The following RALB variants were observed in gnomAD, a reference collection of about 807,000 sequenced individuals.
RALB encodes the protein ras-related protein Ral-B.
RALB carries 16 observed loss-of-function variants against 21.3 expected under a neutral mutation model. The ratio of observed to expected loss-of-function variants is 0.75; its 90% CI spans 0.51 to 1.14. The LOEUF (loss-of-function observed/expected upper bound fraction) is 1.14, where lower values mean the gene tolerates loss of function less well. Ranked by LOEUF, RALB falls within the 50% of genes most tolerant of loss-of-function variation. RALB has a pLI of 0.00. For synonymous variants in RALB, 93 were observed against 96.1 expected (o/e 0.97, Z 0.19); for missense variants, 161 against 256.2 (o/e 0.63, Z 2.54).
At position 120,294,288 on chromosome 2, in the gene RALB, A is replaced by G; in HGVS notation, c.*1028A>G. On this transcript the variant is annotated 3_prime_UTR_variant, in exon 5 of 5. Transcript: ENST00000272519. ...GCTACCTCTCATAGAATTGCTCTGT[A>G]ATTCTAAATTTAAAATTAGAAGTAG... The G allele has an allele frequency of 2.5e-6, 1 of 398,742 alleles. No homozygotes were observed. 24.7% of individuals were successfully genotyped at this position (398,742 alleles called of 1,614,324 possible). A position where few individuals can be genotyped will look rare whatever the true frequency, so the allele number is the denominator to read the frequency against.
chr2:120,291,942 G>A (rs1297235403), intron 4 of RALB, among the ~76,000 whole-genome samples: 1 of 152,108 alleles, frequency 6.6e-6, no homozygotes, highest in African/African-American at 2.4e-5. Flanking sequence ...GGAGCTTGTG[G>A]TTTTGTGTGA....
chr2:120,267,914 C>T (rs1456065706), intron 1 of RALB, among the ~76,000 whole-genome samples: 1 of 152,106 alleles, frequency 6.6e-6, no homozygotes, highest in East Asian at 1.9e-4. Context: ...GCCTCAGCCT[C>T]CCAAGTAGCT....
chr2:120,240,281 A>AT (rs1558941415), intron 1 of RALB, among the ~76,000 whole-genome samples: 2 of 142,748 alleles, frequency 1.4e-5, no homozygotes, highest in Admixed American at 6.7e-5. Flanking sequence ...CTACTTTTTT[A>AT]TTTTTATTTT....
At chr2:120,259,848 G>A (rs1389401011) in intron 1 of RALB, among the ~76,000 whole-genome samples, 1 of 152,254 alleles carries the variant, frequency 6.6e-6, no homozygotes, top group Non-Finnish European at 1.5e-5. Flanking sequence ...CCCATGGAGT[G>A]GGTGGGAGGC....
chr2:120,279,864 C>T (rs1304628163), intron 2 of RALB, among the ~76,000 whole-genome samples: 20 of 152,194 alleles, frequency 1.3e-4, no homozygotes, highest in Admixed American at 1.3e-3. Flanking sequence ...TCCTCTTATG[C>T]TGGGTGCAGC....
upstream of RALB, among the ~76,000 whole-genome samples, chr2:120,249,189 C>T (rs530404433): frequency 1.1e-3 from 162 of 152,150 alleles, 1 homozygote; most frequent in Middle Eastern, 0.014. Context: ...TCTGCCACCA[C>T]GCCTGGCTAA....
chr2:120,272,721 C>T (rs1484386287), intron 1 of RALB, among the ~76,000 whole-genome samples: 7 of 152,042 alleles, frequency 4.6e-5, no homozygotes, highest in Non-Finnish European at 1.0e-4. Context: ...CTTTCTCCTC[C>T]TGTCTTTATC....
At chr2:120,264,281 A>G (rs1689443856) in intron 1 of RALB, among the ~76,000 whole-genome samples, 1 of 151,834 alleles carries the variant, frequency 6.6e-6, no homozygotes. Flanking sequence ...CCTCTTGAAT[A>G]GCTTGGATTA....
At chr2:120,286,540 A>T (rs1361495010) in intron 3 of RALB, among the ~76,000 whole-genome samples, 1 of 152,248 alleles carries the variant, frequency 6.6e-6, no homozygotes, top group African/African-American at 2.4e-5. Flanking sequence ...CTGCTACTTA[A>T]GGACTTTCAG....
At chr2:120,258,943 T>C (rs961643265) in intron 1 of RALB, among the ~76,000 whole-genome samples, 2 of 151,916 alleles carry the variant, frequency 1.3e-5, no homozygotes, top group Non-Finnish European at 2.9e-5. Flanking sequence ...GTTCGGAGTT[T>C]CTTCCTTCTG....
chr2:120,242,452 C>T lies in RALB; in HGVS notation c.19+2327C>T, dbSNP rs775954316. ...ATTTTAGGCCAGGCGCAGTGGCTCACGCCTATAATCCCTTTGGGGGCTGAT... is the reference window on the plus strand; with the variant it reads ...ATTTTAGGCCAGGCGCAGTGGCTCATGCCTATAATCCCTTTGGGGGCTGAT... On this transcript the variant is annotated intron_variant, in intron 1 of 3. Coordinates refer to the RALB transcript ENST00000447591. Among the ~76,000 whole-genome samples the T allele has an allele frequency of 7.9e-5, 12 of 152,366 alleles. No individual in the cohort carries two copies. In the South Asian group the frequency reaches 1.5e-3, roughly 18 times the overall value.
intron 2 of RALB, among the ~76,000 whole-genome samples, chr2:120,282,395 T>A (rs1454165533): frequency 6.6e-6 from 1 of 151,908 alleles, no homozygotes. Flanking sequence ...GGAGAATCGC[T>A]TGAACCTGGG....
intron 1 of RALB, among the ~76,000 whole-genome samples, chr2:120,245,273 T>C (rs1688952479): frequency 6.6e-6 from 1 of 152,368 alleles, no homozygotes; most frequent in African/African-American, 2.4e-5. Context: ...CAGGCATTCT[T>C]GCTTTCAGGC....
At chr2:120,245,325 T>C (rs534240109) in intron 1 of RALB, among the ~76,000 whole-genome samples, 10 of 152,316 alleles carry the variant, frequency 6.6e-5, no homozygotes, top group African/African-American at 2.4e-4. Flanking sequence ...GGAAAGACAT[T>C]GAACTCTCAA....
intron 1 of RALB, among the ~76,000 whole-genome samples, chr2:120,260,309 A>G (rs951313012): frequency 5.3e-5 from 8 of 152,236 alleles, no homozygotes; most frequent in Non-Finnish European, 8.8e-5. Context: ...GCATGCTGTC[A>G]CCTCTCACTA....
At position 120,288,342 on chromosome 2, in the gene RALB, G is replaced by GT. The variant is rs547733377; in HGVS notation, c.324-1227dup. 1.4e-3 allele frequency among the ~76,000 whole-genome samples: 169 copies of GT among 117,038 alleles called. 18 individuals carry two copies. The highest frequency in any genetic ancestry group is 3.4e-3 in the African/African-American group (98 of 28,784). 76.8% of individuals were successfully genotyped at this position (117,038 alleles called of 152,430 possible). ...TTAAATTGACTACATGAAAATTTTA[G>GT]TTTTTTTTTTTGTTTTTTTTTTTGT... On this transcript the variant is annotated intron_variant, in intron 3 of 4. Transcript: ENST00000272519.
chr2:120,269,368 T>G (rs1388214391), intron 1 of RALB, among the ~76,000 whole-genome samples: 1 of 152,190 alleles, frequency 6.6e-6, no homozygotes, highest in Non-Finnish European at 1.5e-5. Context: ...AGATTTATTG[T>G]GAAGAGTGAA....
At chr2:120,278,822 G>T (rs751432554) in intron 2 of RALB, 44 bp downstream of exon 2, 2 of 1,450,206 alleles carry the variant, frequency 1.4e-6, no homozygotes, top group Non-Finnish European at 1.8e-6. Flanking sequence ...GGCATTGGCC[G>T]TAGCAGTGTC....
At chr2:120,260,057 C>G (rs1205140670) in intron 1 of RALB, among the ~76,000 whole-genome samples, 1 of 152,228 alleles carries the variant, frequency 6.6e-6, no homozygotes, top group East Asian at 1.9e-4. Flanking sequence ...GCGGGGCCCA[C>G]CAAGCCCACG....
Sources: allele counts gnomAD v4.1 joint callset (sites outside exome capture counted in the v4.1 genomes callset), GRCh38; gene constraint gnomAD v4.1.1; transcripts MANE v1.5; gene names NCBI Gene and HGNC (gene_info 2026-07-23, HGNC 2026-07-21).